Variants in MAP4K1 observed in about 807,000 individuals in gnomAD.
MAP4K1 encodes the protein mitogen-activated protein kinase kinase kinase kinase 1.
MAP4K1 carries 35 observed loss-of-function variants against 122.8 expected under a neutral mutation model. The observed-to-expected ratio is 0.29, with a 90% CI of 0.22 to 0.38. The LOEUF (loss-of-function observed/expected upper bound fraction) is 0.38, where lower values mean the gene tolerates loss of function less well. MAP4K1 is among the 10% of genes least tolerant of loss of function. MAP4K1 has a pLI of 1.00. For synonymous variants in MAP4K1, 412 were observed against 421.3 expected (o/e 0.98, Z 0.27); for missense variants, 791 against 1,072.6 (o/e 0.74, Z 3.67).
At chr19:38,608,243 A>G in intron 13 of MAP4K1, 73 bp from the exon 14 acceptor site, 1 of 650,698 alleles carries the variant, frequency 1.5e-6, no homozygotes. Context: ...TAAGAACAGA[A>G]AGAGTAGAAT....
chr19:38,603,723 C>A (rs1975238480), intron 19 of MAP4K1, among the ~76,000 whole-genome samples: 1 of 151,976 alleles, frequency 6.6e-6, no homozygotes, highest in African/African-American at 2.4e-5. Context: ...GTGGCTCACG[C>A]CTGTAATGCC....
intron 4 of MAP4K1, chr19:38,614,722 A>C (rs925251031): frequency 2.1e-6 from 1 of 479,374 alleles, no homozygotes; most frequent in Non-Finnish European, 3.8e-6. Context: ...GGAGTCCGAG[A>C]CCAGCCTGGC....
At chr19:38,600,995 G>A (rs555083577) in intron 20 of MAP4K1, among the ~76,000 whole-genome samples, 37 of 152,072 alleles carry the variant, frequency 2.4e-4, no homozygotes, top group Admixed American at 4.6e-4. Flanking sequence ...TAGTAGAGAC[G>A]AGGTTTTACC....
chr19:38,604,128 CAAAAAAAAAAAAAAAA>C (rs200072842), intron 19 of MAP4K1, among the ~76,000 whole-genome samples: 4 of 53,522 alleles, frequency 7.5e-5, no homozygotes, highest in Non-Finnish European at 1.9e-4. Context: ...GATACTATCT[CAAAAAAAAAAAAAAAA>C]AAAAAAAAAG....
intron 29 of MAP4K1, among the ~76,000 whole-genome samples, chr19:38,594,328 G>A (rs117948559): frequency 7.9e-5 from 12 of 151,628 alleles, no homozygotes; most frequent in Admixed American, 2.6e-4. Flanking sequence ...GCCTGGACAA[G>A]AGAGAGAGAC....
intron 25 of MAP4K1, 74 bp downstream of exon 25, chr19:38,596,960 G>T: frequency 7.1e-7 from 1 of 1,401,582 alleles, no homozygotes; most frequent in Non-Finnish European, 1.0e-6. Flanking sequence ...TGGAGCTCTT[G>T]ATAGAAGCGC....
intron 9 of MAP4K1, 38 bp from the exon 10 acceptor site, chr19:38,611,343 C>T (rs774399922): frequency 7.0e-7 from 1 of 1,437,950 alleles, no homozygotes; most frequent in African/African-American, 1.4e-5. Flanking sequence ...TTCAGACCCT[C>T]AAGGGGGCCA....
At chr19:38,607,302 TG>T (rs1369093442) in intron 16 of MAP4K1, among the ~76,000 whole-genome samples, 1 of 152,026 alleles carries the variant, frequency 6.6e-6, no homozygotes, top group Non-Finnish European at 1.5e-5. Flanking sequence ...GGCTCACACC[TG>T]TAATCGCAGC....
rs1420690585 is a variant in MAP4K1 at position 38,611,278 on chromosome 19, G to A, written c.693C>T (p.Gly231=). 6.2e-7 allele frequency: 1 copy of A among 1,613,638 alleles called. No individual in the cohort carries two copies. The highest frequency in any genetic ancestry group is 2.2e-5 in the East Asian group (1 of 44,884). Reference sequence around the variant, plus strand: ...TTTCCTTCAGTCGGGGAGGCTGGTAGCCACTCTTGGTCATGAGGAAGAGAA... The same window carrying A: ...TTTCCTTCAGTCGGGGAGGCTGGTAACCACTCTTGGTCATGAGGAAGAGAA... ...LRVLFLMTKS[G]YQPPRLKEKG... is the part of the protein sequence containing the mutation. The change falls in exon 10 of 31, where the codon GGC becomes GGT. Residue 231 remains glycine (G), a synonymous_variant. Coordinates refer to ENST00000396857, the MANE Select transcript of MAP4K1 (RefSeq NM_001042600.3).
rs767330997 is a variant in MAP4K1, at chr19:38,600,167, C to T, written c.1532-14G>A. ...GCAGGTGCTGGTCTGGAGGCACAGA[C>T]AAGGACGCTGGGACCGACTTCATCC... On this transcript the variant is annotated splice_polypyrimidine_tract_variant and intron_variant, in intron 20 of 30. Coordinates refer to ENST00000396857, the MANE Select transcript of MAP4K1 (RefSeq NM_001042600.3). The T allele has an allele frequency of 6.2e-7, 1 of 1,613,204 alleles. No individual in the cohort carries two copies. The highest frequency in any genetic ancestry group is 8.5e-7 in the Non-Finnish European group (1 of 1,179,230).
intron 30 of MAP4K1, among the ~76,000 whole-genome samples, chr19:38,590,965 TCACACACACACACACA>T (rs58402161): frequency 4.4e-5 from 6 of 137,290 alleles, no homozygotes; most frequent in African/African-American, 7.9e-5. Flanking sequence ...CATTAAAAAA[TCACACACACACACACA>T]CACACACACA....
In MAP4K1 at chr19:38,596,370, C is replaced by G; in HGVS notation, c.2058G>C (p.Val686=). The change falls in exon 26 of 31, where the codon GTG becomes GTC. Residue 686 remains valine (V), a synonymous_variant. Transcript: ENST00000396857. The part of the protein sequence containing the change: ...GVSPGRPGKS[V]LFHTVRFGAL... ...CGCCAAAGCGCACCGTGTGGAAGAG[C>G]ACCGACTTCCCCGGCCGCCCGGGGC... 1 of 1,601,322 alleles carries G rather than the reference C, an allele frequency of 6.2e-7. No individual in the cohort carries two copies. The highest frequency in any genetic ancestry group is 1.3e-5 in the African/African-American group (1 of 74,918).
rs765610852 is a variant in MAP4K1, at chr19:38,595,687, C to A, written c.2222G>T (p.Gly741Val). ...CATGGGGATCTCAGGTGTGCGAAGT[C>A]CCCGGACTGGGGACCCCTCCGGGGT... The part of the protein sequence containing the change: ...LVTPEGSPVR[G>V]LRTPEIPMTE... The change falls in exon 28 of 31, where the codon GGA becomes GTA. Residue 741 changes from glycine (G) to valine (V), a missense_variant. By Grantham distance (109) the Gly-to-Val change is moderately radical (BLOSUM62 -3). This residue lies in a region of MAP4K1 where 267 missense variants were observed against 323.0 expected (regional missense o/e 0.83). Transcript: ENST00000396857. The A allele has an allele frequency of 1.9e-6, 3 of 1,612,748 alleles. No individual in the cohort carries two copies. Among genetic ancestry groups the A allele is most frequent in the Non-Finnish European group, 1.7e-6 (2 of 1,179,274 alleles).
At chr19:38,589,256 TCG>T in intron 30 of MAP4K1, 1 of 215,234 alleles carries the variant, frequency 4.6e-6, no homozygotes, top group Non-Finnish European at 9.8e-6. Context: ...TGAGGCGAGA[TCG>T]TGCCACTGCA....
At chr19:38,596,795 T>G (rs888516751) in intron 25 of MAP4K1, among the ~76,000 whole-genome samples, 1 of 151,058 alleles carries the variant, frequency 6.6e-6, no homozygotes, top group African/African-American at 2.4e-5. Context: ...ACCCAGGGAG[T>G]GGCAGCATTG....
At position 38,602,411 on chromosome 19, in the gene MAP4K1, GACACACAC is replaced by G. The variant is rs145992581; in HGVS notation, c.1447-894_1447-887del. Among the ~76,000 whole-genome samples the G allele has an allele frequency of 1.1e-4, 17 of 148,094 alleles. No homozygotes were observed. In the East Asian group the frequency reaches 2.0e-3, roughly 17 times the overall value. On this transcript the variant is annotated intron_variant, in intron 19 of 30. Coordinates refer to ENST00000396857, the MANE Select transcript of MAP4K1 (RefSeq NM_001042600.3). The stretch of plus-strand genomic sequence containing the variant: ...ATATACACATATACATATATATATA[GACACACAC>G]ACACACACACACATATATATACACA...
chr19:38,602,636 ACACC>A (rs1975118126), intron 19 of MAP4K1, among the ~76,000 whole-genome samples: 1 of 144,084 alleles, frequency 6.9e-6, no homozygotes, highest in Non-Finnish European at 1.5e-5. Context: ...ATATATATAC[ACACC>A]TATACATATA....
At chr19:38,593,456 A>C in intron 29 of MAP4K1, 119 bp from the exon 30 acceptor site, 1 of 827,248 alleles carries the variant, frequency 1.2e-6, no homozygotes, top group Non-Finnish European at 1.8e-6. Flanking sequence ...TAATCCCAGC[A>C]CTTTGGGAGG....
rs1974636270 is a variant in MAP4K1, at chr19:38,589,420, C to A, written c.2397-1603G>T. 4 of 145,584 alleles carry A rather than the reference C, an allele frequency of 2.7e-5. No individual in the cohort carries two copies. In the South Asian group the frequency reaches 6.0e-4, roughly 22 times the overall value. 9.0% of individuals were successfully genotyped at this position (145,584 alleles called of 1,614,324 possible). ...CAGTGAATCTCCCCAAAAGATACTT[C>A]TTTTTTTTTTTTTGAGACAGAGTTC... is the stretch of plus-strand genomic sequence containing the variant. On this transcript the variant is annotated intron_variant, in intron 30 of 30. Coordinates refer to ENST00000396857, the MANE Select transcript of MAP4K1 (RefSeq NM_001042600.3).
Sources: gnomAD v4.1 joint callset for allele counts (sites outside exome capture counted in the v4.1 genomes callset) on GRCh38, gnomAD v4.1.1 for gene constraint, gnomAD v4.1.1 regional missense constraint, MANE v1.5 for transcripts, NCBI Gene and HGNC (gene_info 2026-07-23, HGNC 2026-07-21) for gene names.